Variants in SLC2A9 observed in about 807,000 individuals in gnomAD.
The protein encoded by SLC2A9 is solute carrier family 2, facilitated glucose transporter member 9.
In SLC2A9, 39 loss-of-function variants were observed where a neutral mutation model predicts 50.6. The ratio of observed to expected loss-of-function variants is 0.77; its 90% CI spans 0.60 to 1.01. The LOEUF is 1.01. SLC2A9 is among the 50% of genes least tolerant of loss of function. The pLI is 0.00. For synonymous variants in SLC2A9, 324 were observed against 276.9 expected, an observed-to-expected ratio of 1.17 and a Z score of -1.69; for missense variants, 686 against 677.6, an observed-to-expected ratio of 1.01 and a Z score of -0.14.
At chr4:9,998,820 A>G (rs1446658384) in intron 2 of SLC2A9, among the ~76,000 whole-genome samples, 3 of 152,202 alleles carry the variant, frequency 2.0e-5, no homozygotes, top group South Asian at 2.1e-4. Flanking sequence ...AGCCACAAAC[A>G]TGAATGAATA....
chr4:9,809,786 T>C (rs1418925088), intron 3 of SLC2A9, among the ~76,000 whole-genome samples: 1 of 152,110 alleles, frequency 6.6e-6, no homozygotes, highest in Non-Finnish European at 1.5e-5. Context: ...GCTATTACTA[T>C]CAATGGTTTT....
chr4:9,907,423 G>A (rs1260817651), intron 8 of SLC2A9, among the ~76,000 whole-genome samples: 1 of 152,176 alleles, frequency 6.6e-6, no homozygotes, highest in East Asian at 1.9e-4. Context: ...TCCACCAGAT[G>A]TTTGTTTTGC....
chr4:9,785,622 A>G (rs986614899), intron 3 of SLC2A9, among the ~76,000 whole-genome samples: 14 of 152,212 alleles, frequency 9.2e-5, no homozygotes, highest in African/African-American at 3.4e-4. Context: ...TGGGAAATGG[A>G]TTATGTGAGG....
At chr4:9,892,243 T>C (rs999203112) in intron 8 of SLC2A9, among the ~76,000 whole-genome samples, 1 of 152,204 alleles carries the variant, frequency 6.6e-6, no homozygotes, top group Non-Finnish European at 1.5e-5. Flanking sequence ...TAGTGCTGCC[T>C]GGGGCCATGG....
chr4:9,955,308 C>T (rs1158737560), intron 5 of SLC2A9, among the ~76,000 whole-genome samples: 1 of 55,384 alleles, frequency 1.8e-5, no homozygotes, highest in African/African-American at 1.4e-4. Context: ...CTGGCTAACA[C>T]GGTGAAACCC....
chr4:9,820,712 G>A (rs1339286126), intron 3 of SLC2A9, among the ~76,000 whole-genome samples: 1 of 152,152 alleles, frequency 6.6e-6, no homozygotes, highest in African/African-American at 2.4e-5. Context: ...ATTATGAAGA[G>A]CAACTTTTTT....
At chr4:9,945,763 G>A (rs1401480129) in intron 5 of SLC2A9, among the ~76,000 whole-genome samples, 1 of 152,178 alleles carries the variant, frequency 6.6e-6, no homozygotes, top group Non-Finnish European at 1.5e-5. Context: ...TGGGCACTTG[G>A]TCCCAACACA....
intron 3 of SLC2A9, among the ~76,000 whole-genome samples, chr4:9,817,104 C>A (rs1406887577): frequency 6.6e-6 from 1 of 152,174 alleles, no homozygotes; most frequent in African/African-American, 2.4e-5. Flanking sequence ...GTATCACTTC[C>A]TTTCTGACTC....
chr4:9,968,325 T>C lies in SLC2A9; in HGVS notation c.681+12267A>G, dbSNP rs564992784. On this transcript the variant is annotated intron_variant, in intron 5 of 11. Coordinates refer to ENST00000264784, the MANE Select transcript of SLC2A9 (RefSeq NM_020041.3). The stretch of plus-strand genomic sequence containing the variant: ...CATAGCATGTGCAGTTCATACTACA[T>C]TGCCTTCTGTTCTTTCACTTTCTTT... 1.2e-4 allele frequency among the ~76,000 whole-genome samples: 18 copies of C among 152,320 alleles called. No individual in the cohort carries two copies. The East Asian group carries it at 2.7e-3, about 23-fold the overall frequency.
intron 10 of SLC2A9, chr4:9,879,606 T>C: frequency 1.0e-6 from 1 of 985,362 alleles, no homozygotes; most frequent in Non-Finnish European, 1.2e-6. Context: ...TCAGGACCGC[T>C]CCATCTTCTG....
chr4:9,981,394 T>C (rs972916553), intron 4 of SLC2A9, among the ~76,000 whole-genome samples: 2 of 151,844 alleles, frequency 1.3e-5, no homozygotes, highest in African/African-American at 2.4e-5. Context: ...CCAATACACA[T>C]AGTGGCTACC....
intron 1 of SLC2A9, chr4:10,035,582 GAATTAAAGAATCC>G (rs1276387661): frequency 3.9e-5 from 6 of 152,178 alleles, no homozygotes; most frequent in Admixed American, 3.9e-4. Context: ...TCAGGTGCCT[GAATTAAAGAATCC>G]CTAGAAAGCT....
chr4:9,997,050 A>C, intron 2 of SLC2A9, 109 bp from the exon 3 acceptor site: 2 of 1,292,186 alleles, frequency 1.5e-6, no homozygotes, highest in Non-Finnish European at 1.1e-6. Context: ...CATGCATAGC[A>C]CTTTGCTAAT....
intron 3 of SLC2A9, among the ~76,000 whole-genome samples, chr4:9,784,756 T>C (rs1323343052): frequency 6.6e-6 from 1 of 152,210 alleles, no homozygotes; most frequent in Non-Finnish European, 1.5e-5. Context: ...CAGATCTAAA[T>C]GTGAGCACTA....
chr4:9,778,425 C>T (rs1469990151), downstream of SLC2A9, among the ~76,000 whole-genome samples: 2 of 152,136 alleles, frequency 1.3e-5, no homozygotes, highest in South Asian at 4.1e-4. Flanking sequence ...CGGCCCTTTA[C>T]TTGCATTTCT....
At chr4:9,784,332 C>T (rs527846937) in intron 3 of SLC2A9, among the ~76,000 whole-genome samples, 225 of 152,288 alleles carry the variant, frequency 1.5e-3, no homozygotes, top group Non-Finnish European at 2.7e-3. Context: ...GACAACTCTC[C>T]TTATTCCTAG....
chr4:9,954,607 G>C (rs1389529937), intron 5 of SLC2A9, among the ~76,000 whole-genome samples: 2 of 152,092 alleles, frequency 1.3e-5, no homozygotes, highest in Non-Finnish European at 2.9e-5. Context: ...AGCGGCCCTG[G>C]GTGAGTGGGT....
At chr4:9,830,666 T>G (rs1242609921) in intron 11 of SLC2A9, among the ~76,000 whole-genome samples, 2 of 152,232 alleles carry the variant, frequency 1.3e-5, no homozygotes, top group African/African-American at 4.8e-5. Context: ...GAGCTCAAAC[T>G]GCATTTTATA....
intron 3 of SLC2A9, among the ~76,000 whole-genome samples, chr4:9,791,322 C>T (rs1002988063): frequency 3.3e-5 from 5 of 152,168 alleles, no homozygotes; most frequent in Non-Finnish European, 7.3e-5. Context: ...CTAATCCATG[C>T]CTGTTACACC....
Sources: allele counts gnomAD v4.1 joint callset (sites outside exome capture counted in the v4.1 genomes callset), GRCh38; gene constraint gnomAD v4.1.1; transcripts MANE v1.5; gene names NCBI Gene and HGNC (gene_info 2026-07-23, HGNC 2026-07-21).